OPCML: variants seen among roughly 807,000 people sequenced by gnomAD.
OPCML encodes opioid binding protein/cell adhesion molecule like.
OPCML carries 13 observed loss-of-function variants against 37.8 expected under a neutral mutation model. The ratio of observed to expected loss-of-function variants is 0.34; its 90% confidence interval spans 0.22 to 0.55. OPCML has a LOEUF of 0.55. OPCML is among the 20% of genes least tolerant of loss of function. OPCML has a pLI of 0.91. For synonymous variants in OPCML, 176 were observed against 168.8 expected, an observed-to-expected ratio of 1.04 and a Z score of -0.33; for missense variants, 341 against 435.6, an observed-to-expected ratio of 0.78 and a Z score of 1.93.
intron 1 of OPCML, among the ~76,000 whole-genome samples, chr11:133,473,283 G>A (rs575725454): frequency 2.0e-5 from 3 of 152,232 alleles, no homozygotes; most frequent in African/African-American, 7.2e-5. Flanking sequence ...CTGAGGATGA[G>A]GAGATGGCCT....
chr11:133,008,057 G>C (rs11223320), intron 1 of OPCML: 132,176 of 985,242 alleles, frequency 0.13, 9,327 homozygotes, highest in Admixed American at 0.29. Context: ...CTTGCTGTAC[G>C]GCTACTTGCA....
chr11:133,294,718 C>T (rs1942577565), intron 1 of OPCML, among the ~76,000 whole-genome samples: 1 of 149,490 alleles, frequency 6.7e-6, no homozygotes, highest in Admixed American at 6.6e-5. Flanking sequence ...CGGGATGCCA[C>T]ACCAAAAAGG....
At chr11:132,505,810 C>A (rs1008909776) in intron 4 of OPCML, among the ~76,000 whole-genome samples, 4 of 151,718 alleles carry the variant, frequency 2.6e-5, no homozygotes, top group African/African-American at 9.7e-5. Flanking sequence ...AAAGAGCCAA[C>A]ACACGTGGAA....
chr11:132,424,159 G>A (rs867867791), intron 7 of OPCML, among the ~76,000 whole-genome samples: 3 of 150,316 alleles, frequency 2.0e-5, no homozygotes, highest in Non-Finnish European at 2.9e-5. Flanking sequence ...TCGCTCTGTC[G>A]CCCAGGCTGG....
At chr11:132,555,766 T>C (rs79148798) in intron 3 of OPCML, among the ~76,000 whole-genome samples, 13,069 of 152,108 alleles carry the variant, frequency 0.086, 1,226 homozygotes, top group African/African-American at 0.23. Flanking sequence ...TCTGGGCCCA[T>C]GTAGCACTGG....
At chr11:133,182,284 T>C (rs1314110148) in intron 1 of OPCML, among the ~76,000 whole-genome samples, 1 of 152,198 alleles carries the variant, frequency 6.6e-6, no homozygotes, top group South Asian at 2.1e-4. Flanking sequence ...TACCAAAAGA[T>C]TAGCCATTCC....
At chr11:132,702,412 C>T (rs900851657) in intron 2 of OPCML, among the ~76,000 whole-genome samples, 3 of 152,198 alleles carry the variant, frequency 2.0e-5, no homozygotes, top group Non-Finnish European at 2.9e-5. Context: ...TAGAAATCTG[C>T]TGATAGTTTT....
intron 2 of OPCML, among the ~76,000 whole-genome samples, chr11:132,709,685 C>T (rs1466945641): frequency 6.6e-6 from 1 of 152,178 alleles, no homozygotes; most frequent in Non-Finnish European, 1.5e-5. Flanking sequence ...TTTGCCCTTT[C>T]CATGCTCTAT....
intron 7 of OPCML, among the ~76,000 whole-genome samples, chr11:132,428,909 ACTGT>A (rs2095986943): frequency 6.6e-6 from 1 of 152,184 alleles, no homozygotes. Flanking sequence ...TTTTATTGTA[ACTGT>A]CTATTTACTT....
At chr11:132,466,526 G>T (rs914533062) in intron 4 of OPCML, among the ~76,000 whole-genome samples, 5 of 151,298 alleles carry the variant, frequency 3.3e-5, no homozygotes, top group African/African-American at 1.2e-4. Flanking sequence ...GTCAATGTTT[G>T]TTGGAACGAA....
At chr11:132,918,041 AGAGT>A (rs2136569102) in intron 2 of OPCML, among the ~76,000 whole-genome samples, 1 of 152,326 alleles carries the variant, frequency 6.6e-6, no homozygotes, top group African/African-American at 2.4e-5. Context: ...TTTTATGATT[AGAGT>A]TAGTTCTATG....
intron 3 of OPCML, among the ~76,000 whole-genome samples, chr11:132,589,875 G>C (rs537139887): frequency 6.6e-6 from 1 of 152,236 alleles, no homozygotes; most frequent in Non-Finnish European, 1.5e-5. Flanking sequence ...AAGGGCCAGA[G>C]AGAGTAACTA....
At chr11:132,853,961 C>T (rs774303508) in intron 2 of OPCML, among the ~76,000 whole-genome samples, 2 of 152,070 alleles carry the variant, frequency 1.3e-5, no homozygotes, top group Non-Finnish European at 2.9e-5. Context: ...TCAATTCTGA[C>T]GTTATCTATT....
chr11:132,883,685 C>T (rs537218375), intron 2 of OPCML, among the ~76,000 whole-genome samples: 9 of 152,142 alleles, frequency 5.9e-5, no homozygotes, highest in Non-Finnish European at 1.3e-4. Flanking sequence ...CAGGGAATAA[C>T]ATTATTATGT....
chr11:133,075,798 T>C (rs1948612533), intron 1 of OPCML, among the ~76,000 whole-genome samples: 1 of 152,206 alleles, frequency 6.6e-6, no homozygotes. Context: ...CTAGGGGACC[T>C]TGGTCCTGCC....
At chr11:133,351,664 G>A (rs1184499957) in intron 1 of OPCML, among the ~76,000 whole-genome samples, 1 of 152,104 alleles carries the variant, frequency 6.6e-6, no homozygotes, top group African/African-American at 2.4e-5. Flanking sequence ...AATGCCATTT[G>A]TAACCCGGTT....
chr11:132,929,455 C>G (rs2725458), intron 2 of OPCML, among the ~76,000 whole-genome samples: 83,014 of 151,930 alleles, frequency 0.55, 24,507 homozygotes, highest in African/African-American at 0.77. Context: ...AGCATCACTG[C>G]TGAATTTTAT....
At chr11:133,356,261 A>T (rs978576600) in intron 1 of OPCML, among the ~76,000 whole-genome samples, 1 of 152,224 alleles carries the variant, frequency 6.6e-6, no homozygotes, top group Admixed American at 6.5e-5. Flanking sequence ...GGAACATAGA[A>T]CTAACATCCG....
chr11:133,453,583 T>C (rs565224573), intron 1 of OPCML, among the ~76,000 whole-genome samples: 20 of 152,354 alleles, frequency 1.3e-4, no homozygotes, highest in Non-Finnish European at 2.8e-4. Flanking sequence ...TTAATTTCCC[T>C]GTGCTGAGCT....
Sources: gnomAD v4.1 joint callset for allele counts (sites outside exome capture counted in the v4.1 genomes callset) on GRCh38, gnomAD v4.1.1 for gene constraint, MANE v1.5 for transcripts, NCBI Gene and HGNC (gene_info 2026-07-23, HGNC 2026-07-21) for gene names.